AGO2: variants seen among roughly 807,000 people sequenced by gnomAD.
AGO2 encodes argonaute RISC catalytic component 2.
A neutral mutation model predicts 102.3 loss-of-function variants in AGO2; 5 were observed. The observed-to-expected ratio is 0.05, with a 90% CI of 0.03 to 0.10. The LOEUF (loss-of-function observed/expected upper bound fraction) is 0.10, where lower values mean the gene tolerates loss of function less well. Ranked by LOEUF, AGO2 falls within the 10% of genes least tolerant of loss-of-function variation. The pLI, the probability that AGO2 is intolerant of heterozygous loss-of-function variation, is 1.00. For synonymous variants in AGO2, 449 were observed against 473.1 expected, an observed-to-expected ratio of 0.95 and a Z score of 0.66; for missense variants, 541 against 1,183.7, an observed-to-expected ratio of 0.46 and a Z score of 7.97.
chr8:140,615,956 G>A (rs1489058651), intron 1 of AGO2, among the ~76,000 whole-genome samples: 1 of 152,248 alleles, frequency 6.6e-6, no homozygotes, highest in African/African-American at 2.4e-5. Flanking sequence ...AGGGCATTTT[G>A]TAAGAAACAT....
intron 17 of AGO2, among the ~76,000 whole-genome samples, chr8:140,535,033 G>A (rs554471156): frequency 5.3e-5 from 8 of 152,332 alleles, no homozygotes; most frequent in Non-Finnish European, 8.8e-5. Context: ...GTGATTGCGC[G>A]AGGGGACGGC....
chr8:140,594,950 C>T (rs7388179), intron 1 of AGO2, among the ~76,000 whole-genome samples: 120,672 of 151,978 alleles, frequency 0.79, 48,207 homozygotes, highest in Admixed American at 0.84. Flanking sequence ...TTTATATAAA[C>T]TAATGAAATC....
intron 1 of AGO2, among the ~76,000 whole-genome samples, chr8:140,620,582 C>T (rs555758013): frequency 9.9e-5 from 15 of 152,236 alleles, no homozygotes; most frequent in South Asian, 4.2e-4. Context: ...AACTTCTTCT[C>T]GGCCGGGCAC....
At chr8:140,561,893 T>C (rs1290450244) in intron 4 of AGO2, among the ~76,000 whole-genome samples, 1 of 152,232 alleles carries the variant, frequency 6.6e-6, no homozygotes, top group Non-Finnish European at 1.5e-5. Flanking sequence ...CTGGCCTTGC[T>C]CCTGCAACAG....
intron 1 of AGO2, among the ~76,000 whole-genome samples, chr8:140,616,366 G>A (rs2152104351): frequency 6.6e-6 from 1 of 152,288 alleles, no homozygotes; most frequent in East Asian, 1.9e-4. Flanking sequence ...AGGAAGATTT[G>A]CCATGCATTA....
At chr8:140,552,734 GCGCGCGCACACACACACACA>G (rs1564082196) in intron 10 of AGO2, among the ~76,000 whole-genome samples, 2 of 133,706 alleles carry the variant, frequency 1.5e-5, no homozygotes, top group African/African-American at 6.1e-5. Context: ...ATGCACGCGC[GCGCGCGCACACACACACACA>G]CACACACACA....
At chr8:140,555,830 C>T in intron 10 of AGO2, 66 bp downstream of exon 10, 6 of 1,559,478 alleles carry the variant, frequency 3.8e-6, no homozygotes, top group Non-Finnish European at 5.2e-6. Context: ...TAGCTCAGAA[C>T]CTGAGAGGGG....
chr8:140,536,180 A>G (rs1256390754), intron 16 of AGO2, among the ~76,000 whole-genome samples: 1 of 152,244 alleles, frequency 6.6e-6, no homozygotes, highest in Non-Finnish European at 1.5e-5. Flanking sequence ...GTCAGCCAAG[A>G]TGCAGGCATG....
At chr8:140,533,387 TCC>T (rs1491500507) in intron 17 of AGO2, among the ~76,000 whole-genome samples, 1 of 75,726 alleles carries the variant, frequency 1.3e-5, no homozygotes, top group African/African-American at 7.1e-5. Context: ...AGACTCCGTC[TCC>T]AAAAAAAAAA....
chr8:140,575,158 G>A (rs1419737362), intron 2 of AGO2, among the ~76,000 whole-genome samples: 3 of 152,168 alleles, frequency 2.0e-5, no homozygotes, highest in Non-Finnish European at 2.9e-5. Context: ...GCCTGGGCAG[G>A]GAACAGCCCC....
At chr8:140,606,609 A>G (rs2074001543) in intron 1 of AGO2, among the ~76,000 whole-genome samples, 1 of 152,218 alleles carries the variant, frequency 6.6e-6, no homozygotes, top group Admixed American at 6.5e-5. Context: ...CAAAGTTATC[A>G]TCTTGGCAAG....
chr8:140,551,195 C>T, intron 11 of AGO2, 108 bp downstream of exon 11: 1 of 1,305,568 alleles, frequency 7.7e-7, no homozygotes, highest in East Asian at 2.6e-5. Context: ...AAAACCCATA[C>T]CAGCACCCTC....
intron 1 of AGO2, among the ~76,000 whole-genome samples, chr8:140,619,212 C>T (rs1288505890): frequency 3.9e-5 from 6 of 152,200 alleles, no homozygotes; most frequent in Non-Finnish European, 5.9e-5. Context: ...GTCGCCAAGT[C>T]GCTAGGGATG....
chr8:140,572,972 T>C, intron 2 of AGO2, 40 bp from the exon 3 acceptor site: 1 of 1,572,534 alleles, frequency 6.4e-7, no homozygotes, highest in Non-Finnish European at 8.6e-7. Flanking sequence ...GTCAATAAAA[T>C]GGAGAAAATG....
intron 2 of AGO2, among the ~76,000 whole-genome samples, chr8:140,575,440 A>C (rs2073449580): frequency 6.6e-6 from 1 of 152,150 alleles, no homozygotes; most frequent in Admixed American, 6.5e-5. Context: ...TCCAAACATT[A>C]CAAAGGGTCC....
intron 2 of AGO2, among the ~76,000 whole-genome samples, chr8:140,573,951 C>A (rs2073424966): frequency 6.6e-6 from 1 of 152,204 alleles, no homozygotes; most frequent in Non-Finnish European, 1.5e-5. Flanking sequence ...CAGCCTGACC[C>A]AGGGGCCCAG....
At chr8:140,607,458 TTATATATA>T (rs1167371585) in intron 1 of AGO2, among the ~76,000 whole-genome samples, 1,152 of 68,970 alleles carry the variant, frequency 0.017, 32 homozygotes, top group Non-Finnish European at 0.022. Flanking sequence ...TAAAGAAAAA[TTATATATA>T]TATATATATA....
chr8:140,638,865 T>C (rs909316667), upstream of AGO2, among the ~76,000 whole-genome samples: 1 of 152,284 alleles, frequency 6.6e-6, no homozygotes, highest in Admixed American at 6.5e-5. Flanking sequence ...CATGAGCCAC[T>C]ACACCTGACC....
At chr8:140,535,623 C>A (rs2072683385) in intron 16 of AGO2, 54 bp from the exon 17 acceptor site, 1 of 1,581,326 alleles carries the variant, frequency 6.3e-7, no homozygotes, top group East Asian at 2.2e-5. Context: ...CAGAGCCAAG[C>A]AGGCGGGCCA....
Sources: gnomAD v4.1 joint callset for allele counts (sites outside exome capture counted in the v4.1 genomes callset) on GRCh38, gnomAD v4.1.1 for gene constraint, MANE v1.5 for transcripts, NCBI Gene and HGNC (gene_info 2026-07-23, HGNC 2026-07-21) for gene names.